Variants in NCOA2 observed in about 807,000 individuals in gnomAD.
NCOA2 encodes class E basic helix-loop-helix protein 75.
A neutral mutation model predicts 145.1 loss-of-function variants in NCOA2; 21 were observed. The ratio of observed to expected loss-of-function variants is 0.14; its 90% confidence interval spans 0.10 to 0.21. The LOEUF (loss-of-function observed/expected upper bound fraction) is 0.21. Ranked by LOEUF, NCOA2 falls within the 10% of genes least tolerant of loss-of-function variation. NCOA2 has a pLI of 1.00. For missense variants in NCOA2, 1,472 were observed against 1,837.6 expected (o/e 0.80, Z 3.64); for synonymous variants, 619 against 637.5 (o/e 0.97, Z 0.44).
At chr8:70,314,770 T>G (rs1404203536) in intron 1 of NCOA2, among the ~76,000 whole-genome samples, 1 of 152,250 alleles carries the variant, frequency 6.6e-6, no homozygotes, top group Non-Finnish European at 1.5e-5. Flanking sequence ...AACAAGACTG[T>G]TGTCTTTCTC....
chr8:70,158,758 AAACAAAAAAC>A (rs1812556064), intron 10 of NCOA2, among the ~76,000 whole-genome samples: 1 of 152,182 alleles, frequency 6.6e-6, no homozygotes, highest in African/African-American at 2.4e-5. Flanking sequence ...CCTCAAAACA[AAACAAAAAAC>A]AAAACAAAAC....
intron 2 of NCOA2, among the ~76,000 whole-genome samples, chr8:70,260,065 C>A (rs188303787): frequency 1.4e-3 from 220 of 152,336 alleles, no homozygotes; most frequent in Admixed American, 3.1e-3. Context: ...AAAGTTACAA[C>A]CATAACCCTC....
intron 4 of NCOA2, among the ~76,000 whole-genome samples, chr8:70,184,117 G>C (rs34507548): frequency 0.056 from 8,463 of 152,196 alleles, 304 homozygotes; most frequent in East Asian, 0.16. Flanking sequence ...GAGAAAAAAG[G>C]TCAGACCGTA....
chr8:70,160,686 A>G (rs959216382), intron 9 of NCOA2, among the ~76,000 whole-genome samples: 2 of 147,790 alleles, frequency 1.4e-5, no homozygotes, highest in African/African-American at 2.7e-5. Flanking sequence ...AGAGAGGGAG[A>G]GAGAGAGAGA....
intron 2 of NCOA2, among the ~76,000 whole-genome samples, chr8:70,252,239 A>G (rs1281132920): frequency 6.6e-6 from 1 of 152,202 alleles, no homozygotes; most frequent in African/African-American, 2.4e-5. Context: ...TATTAAGTCA[A>G]TAAGTAACTG....
At chr8:70,345,530 TA>T (rs1347711211) in intron 1 of NCOA2, among the ~76,000 whole-genome samples, 2 of 152,206 alleles carry the variant, frequency 1.3e-5, no homozygotes, top group African/African-American at 4.8e-5. Context: ...AAGTACCTTG[TA>T]AAATCCTATT....
At chr8:70,403,978 G>C (rs1236426294), upstream of NCOA2, among the ~76,000 whole-genome samples, 1 of 152,130 alleles carries the variant, frequency 6.6e-6, no homozygotes, top group Non-Finnish European at 1.5e-5. Flanking sequence ...CCCGGCAGTG[G>C]CCGCCGCCAA....
the NCOA2 span, among the ~76,000 whole-genome samples, chr8:70,435,240 A>T: frequency 6.6e-6 from 1 of 150,758 alleles, no homozygotes; most frequent in Non-Finnish European, 1.5e-5. Flanking sequence ...CCTGGCTAAC[A>T]CGGTGAAACC....
intron 1 of NCOA2, among the ~76,000 whole-genome samples, chr8:70,379,400 A>G (rs753427412): frequency 3.3e-5 from 5 of 152,178 alleles, no homozygotes; most frequent in South Asian, 2.1e-4. Context: ...GATCCCTAAT[A>G]AAGATTTAAT....
chr8:70,125,425 C>A (rs1808305054), intron 19 of NCOA2, among the ~76,000 whole-genome samples: 1 of 152,072 alleles, frequency 6.6e-6, no homozygotes, highest in Non-Finnish European at 1.5e-5. Context: ...CCATGCCCAG[C>A]TAATTTTTTT....
intron 1 of NCOA2, among the ~76,000 whole-genome samples, chr8:70,304,149 T>C (rs1461693454): frequency 7.2e-5 from 11 of 152,332 alleles, no homozygotes; most frequent in African/African-American, 2.6e-4. Context: ...CTGTATAATA[T>C]ACAGTCATGC....
intron 4 of NCOA2, among the ~76,000 whole-genome samples, chr8:70,179,653 G>A (rs546671649): frequency 1.2e-4 from 18 of 151,968 alleles, no homozygotes; most frequent in Non-Finnish European, 1.9e-4. Flanking sequence ...TTTTCTCAGC[G>A]GTCACAAACT....
intron 1 of NCOA2, among the ~76,000 whole-genome samples, chr8:70,391,842 GA>G (rs1365156257): frequency 6.6e-6 from 1 of 152,204 alleles, no homozygotes; most frequent in East Asian, 1.9e-4. Context: ...TTGAAAAACT[GA>G]AATAGAGCTG....
rs550064957 is a variant in NCOA2 at position 70,266,148 on chromosome 8, T to TCAAAAA, written c.-20+30590_-20+30595dup. 4.6e-3 allele frequency among the ~76,000 whole-genome samples: 707 copies of TCAAAAA among 152,282 alleles called. 2 individuals are homozygous for TCAAAAA. The highest frequency in any genetic ancestry group is 7.1e-3 in the Non-Finnish European group (482 of 68,012). ...CTGGGTGACAGAGTGAGACTCCGTC[T>TCAAAAA]CAAAAACAAAAACAAAAACAAACAA... On this transcript the variant is annotated intron_variant, in intron 2 of 22. Coordinates refer to ENST00000452400, the MANE Select transcript of NCOA2 (RefSeq NM_006540.4).
At chr8:70,336,462 TATAAAGA>T (rs1807596569) in intron 1 of NCOA2, among the ~76,000 whole-genome samples, 1 of 152,152 alleles carries the variant, frequency 6.6e-6, no homozygotes, top group Admixed American at 6.6e-5. Context: ...TTCACACTAC[TATAAAGA>T]AGTATCTTAA....
the NCOA2 span, among the ~76,000 whole-genome samples, chr8:70,416,813 G>T: frequency 5.9e-5 from 9 of 152,216 alleles, no homozygotes; most frequent in African/African-American, 2.2e-4. Context: ...CCACTCTTGC[G>T]GTAATAGCCT....
chr8:70,445,563 A>G, the NCOA2 span, among the ~76,000 whole-genome samples: 1 of 152,102 alleles, frequency 6.6e-6, no homozygotes, highest in Non-Finnish European at 1.5e-5. Context: ...TGGGCCTTTT[A>G]TCCTTTAAAA....
chr8:70,353,393 G>C (rs559568875), intron 1 of NCOA2, among the ~76,000 whole-genome samples: 14 of 150,070 alleles, frequency 9.3e-5, no homozygotes, highest in Admixed American at 4.0e-4. Flanking sequence ...GGGATTAAAG[G>C]GGGGTGCCAC....
At chr8:70,151,728 A>G (rs532527242) in intron 11 of NCOA2, among the ~76,000 whole-genome samples, 1 of 152,308 alleles carries the variant, frequency 6.6e-6, no homozygotes, top group East Asian at 1.9e-4. Flanking sequence ...AGTTTTCCCA[A>G]CTAGAGATAA....
Sources: allele counts gnomAD v4.1 joint callset (sites outside exome capture counted in the v4.1 genomes callset), GRCh38; gene constraint gnomAD v4.1.1; transcripts MANE v1.5; gene names NCBI Gene and HGNC (gene_info 2026-07-23, HGNC 2026-07-21).